AHCTF1: variants seen among roughly 807,000 people sequenced by gnomAD.
The protein encoded by AHCTF1 is protein ELYS.
Under a neutral mutation model 248.4 loss-of-function variants are expected in AHCTF1, and 24 were observed. The observed-to-expected ratio is 0.10, with a 90% CI of 0.07 to 0.14. The LOEUF (loss-of-function observed/expected upper bound fraction) is 0.14. AHCTF1 is among the 10% of genes least tolerant of loss of function. The pLI is 1.00. For synonymous variants in AHCTF1, 786 were observed against 929.8 expected (o/e 0.85, Z 2.81); for missense variants, 2,206 against 2,636.2 (o/e 0.84, Z 3.57).
intron 17 of AHCTF1, among the ~76,000 whole-genome samples, chr1:246,888,900 TAA>T (rs781211089): frequency 2.0e-5 from 3 of 152,116 alleles, no homozygotes; most frequent in Non-Finnish European, 2.9e-5. Flanking sequence ...ACCCTGTCTC[TAA>T]AAACAGAGAG....
chr1:246,904,962 A>C (rs1464704756), intron 6 of AHCTF1, among the ~76,000 whole-genome samples: 1 of 152,246 alleles, frequency 6.6e-6, no homozygotes, highest in African/African-American at 2.4e-5. Context: ...ACTGAGATTG[A>C]GAACAAGAGA....
At position 246,888,484 on chromosome 1, in the gene AHCTF1, A is replaced by G; in HGVS notation, c.2178T>C (p.Asp726=). 1 of 1,613,878 alleles carries G rather than the reference A, an allele frequency of 6.2e-7. No homozygotes were observed. Among genetic ancestry groups the G allele is most frequent in the Non-Finnish European group, 8.5e-7 (1 of 1,179,992 alleles). The part of the protein sequence containing the change: ...GKWNPDCLMI[D]GLVSQLGERI... Reference sequence around the variant, plus strand: ...GCTCTCCTAACTGAGAAACCAGTCCATCAATCATCAAGCAATCGGGATTCC... The same window carrying G: ...GCTCTCCTAACTGAGAAACCAGTCCGTCAATCATCAAGCAATCGGGATTCC... The change falls in exon 18 of 36, where the codon GAT becomes GAC. Residue 726 remains aspartate (D), a synonymous_variant. Coordinates refer to ENST00000648844, the MANE Select transcript of AHCTF1 (RefSeq NM_001323342.2).
At position 246,888,772 on chromosome 1, in the gene AHCTF1, T is replaced by G. The variant is rs967506339; in HGVS notation, c.2145-255A>C. Reference sequence around the variant, plus strand: ...AGAAAATATAAAAACTAGCTGGGCATGGTGGTGTGCACCTGTAGTCCTAGC... The same window carrying G: ...AGAAAATATAAAAACTAGCTGGGCAGGGTGGTGTGCACCTGTAGTCCTAGC... On this transcript the variant is annotated intron_variant, in intron 17 of 35. Transcript: ENST00000648844. Among the ~76,000 whole-genome samples the G allele has an allele frequency of 2.0e-5, 3 of 152,196 alleles. 1 individual carries two copies. The highest frequency in any genetic ancestry group is 7.2e-5 in the African/African-American group (3 of 41,512).
At chr1:246,871,160 C>A (rs192383171) in intron 24 of AHCTF1, among the ~76,000 whole-genome samples, 6 of 152,176 alleles carry the variant, frequency 3.9e-5, no homozygotes, top group African/African-American at 1.4e-4. Context: ...ACATGGTGGC[C>A]ACCAAAAGGC....
chr1:246,851,409 A>C lies in AHCTF1; in HGVS notation c.4597T>G (p.Ser1533Ala), dbSNP rs1455574330. 1.9e-6 allele frequency: 3 copies of C among 1,610,826 alleles called. No individual in the cohort carries two copies. The highest frequency in any genetic ancestry group is 1.6e-4 in the Middle Eastern group (1 of 6,062). The part of the protein sequence containing the change: ...IEQEKLEAQD[S>A]GEEARNLSFN... ...GAAAGATTCCTAGCCTCTTCTCCTG[A>C]ATCTTGAGCTTCAAGCTTTTCTTGT... The change falls in exon 33 of 36, where the codon TCA (serine) becomes GCA (alanine). Residue 1533 changes from serine (S) to alanine (A), a missense_variant. Ser to Ala is a moderately conservative substitution (Grantham distance 99). Around this residue, in one of 6 missense-constraint regions of AHCTF1, gnomAD observed 955 missense variants for 1,055.6 expected, o/e 0.90. Coordinates refer to ENST00000648844, the MANE Select transcript of AHCTF1 (RefSeq NM_001323342.2).
At chr1:246,843,009 G>T (rs768613394) in intron 34 of AHCTF1, among the ~76,000 whole-genome samples, 9 of 152,128 alleles carry the variant, frequency 5.9e-5, no homozygotes, top group Non-Finnish European at 1.3e-4. Context: ...TTTTATTTTT[G>T]AATGTTTCCA....
At chr1:246,857,561 G>A in intron 30 of AHCTF1, 130 bp downstream of exon 30, 1 of 995,956 alleles carries the variant, frequency 1.0e-6, no homozygotes, top group South Asian at 2.1e-5. Context: ...TTTTAAAACA[G>A]CCAACATTAC....
chr1:246,893,901 C>A (rs1170385840), intron 14 of AHCTF1, among the ~76,000 whole-genome samples: 3 of 152,188 alleles, frequency 2.0e-5, no homozygotes, highest in Non-Finnish European at 2.9e-5. Flanking sequence ...GCTGCAAAAT[C>A]TTGGTCAAAA....
intron 21 of AHCTF1, among the ~76,000 whole-genome samples, chr1:246,882,535 G>T (rs1304458146): frequency 1.3e-5 from 2 of 152,078 alleles, no homozygotes; most frequent in African/African-American, 4.8e-5. Context: ...GTGCTATGTG[G>T]GACATTCGAT....
chr1:246,877,028 G>C lies in AHCTF1; in HGVS notation c.2859C>G (p.Phe953Leu). Residue 953 changes from phenylalanine (F) to leucine (L), a missense_variant, in exon 23 of 36, where the codon TTC becomes TTG. By Grantham distance (22) the Phe-to-Leu change is conservative. Around this residue, in one of 6 missense-constraint regions of AHCTF1, gnomAD observed 955 missense variants for 1,055.6 expected, o/e 0.90. Coordinates refer to ENST00000648844, the MANE Select transcript of AHCTF1 (RefSeq NM_001323342.2). Reference protein sequence around the residue: ...QSSASVQNHEFLLVHHLQRAN... With the variant: ...QSSASVQNHELLLVHHLQRAN... ...CACGCTGCAAATGGTGCACTAAAAG[G>C]AATTCATGATTCTGAACGCTGGCAC... is the stretch of plus-strand genomic sequence containing the variant. The C allele has an allele frequency of 1.9e-6, 3 of 1,612,130 alleles. No homozygotes were observed. The highest frequency in any genetic ancestry group is 2.5e-6 in the Non-Finnish European group (3 of 1,179,966).
At chr1:246,919,250 T>C (rs1190555043) in intron 1 of AHCTF1, among the ~76,000 whole-genome samples, 1 of 152,078 alleles carries the variant, frequency 6.6e-6, no homozygotes, top group Non-Finnish European at 1.5e-5. Context: ...TCAACCCCAT[T>C]AAACTCCACT....
At chr1:246,844,209 A>G (rs1024184224) in intron 33 of AHCTF1, among the ~76,000 whole-genome samples, 1 of 152,220 alleles carries the variant, frequency 6.6e-6, no homozygotes, top group African/African-American at 2.4e-5. Context: ...AGAACTGTTT[A>G]GTCTATTTCT....
intron 26 of AHCTF1, among the ~76,000 whole-genome samples, chr1:246,865,843 TTC>T (rs1436179541): frequency 2.6e-5 from 4 of 152,188 alleles, no homozygotes; most frequent in Non-Finnish European, 4.4e-5. Flanking sequence ...AGACCAAATA[TTC>T]TTTCAGAACT....
rs755502009 is a variant in AHCTF1 at position 246,895,855 on chromosome 1, A to C, written c.1694T>G (p.Ile565Ser). The change falls in exon 13 of 36, where the codon ATC (isoleucine) becomes AGC (serine). Residue 565 changes from isoleucine to serine, a missense_variant. Ile to Ser is a moderately radical substitution (Grantham distance 142, BLOSUM62 -2). Transcript: ENST00000648844. ...CTTACCTTCTGTTATCCATCTTCGG[A>C]TATAACCAGTCAAAAGTCCCAGGGA... ...TSSLGLLTGY[I>S]RRWITEEQPN... 2.5e-6 allele frequency: 4 copies of C among 1,612,958 alleles called. No homozygotes were observed. Among genetic ancestry groups the C allele is most frequent in the East Asian group, 2.2e-5 (1 of 44,864 alleles).
At position 246,922,776 on chromosome 1, in the gene AHCTF1, A is replaced by C. The variant is rs1262023847; in HGVS notation, c.-7-4399T>G. Among the ~76,000 whole-genome samples the C allele has an allele frequency of 2.7e-5, 4 of 150,834 alleles. No individual in the cohort carries two copies. In the East Asian group the frequency reaches 8.0e-4, roughly 30 times the overall value. The stretch of plus-strand genomic sequence containing the variant: ...GGAGGGCGGATCACGAGGTCAGGAG[A>C]TCGAGACCATCCTGGATAACACGGT... On this transcript the variant is annotated intron_variant, in intron 1 of 35. Transcript: ENST00000648844.
In AHCTF1 at chr1:246,867,349, G is replaced by C. The variant is rs1412656175; in HGVS notation, c.3242C>G (p.Ser1081Cys). 6.4e-7 allele frequency: 1 copy of C among 1,568,332 alleles called. No individual in the cohort carries two copies. Among genetic ancestry groups the C allele is most frequent in the East Asian group, 2.3e-5 (1 of 44,048 alleles). ...PINSTTPFNSSKIEEPSPIVY... is the reference protein window; with the variant it reads ...PINSTTPFNSCKIEEPSPIVY... ...TATAGGAGATGGTTCTTCTATTTTA[G>C]AACTATGAAAATAAAAATTTAACTT... The change falls in exon 26 of 36, where the codon TCT (serine) becomes TGT (cysteine). Residue 1081 changes from serine (S) to cysteine (C), a missense_variant and splice_region_variant. Transcript: ENST00000648844.
Position 246,890,076 on chromosome 1 carries a change from T to TG in AHCTF1, c.2051-18dup. On this transcript the variant is annotated splice_polypyrimidine_tract_variant and intron_variant, in intron 16 of 35. Coordinates refer to ENST00000648844, the MANE Select transcript of AHCTF1 (RefSeq NM_001323342.2). The stretch of plus-strand genomic sequence containing the variant: ...CAGAATCATCTAGATTTTTAAGAGT[T>TG]GGAAAAAAAGCTGGTAATAATCCCC... The TG allele has an allele frequency of 6.3e-7, 1 of 1,577,116 alleles. No homozygotes were observed. The highest frequency in any genetic ancestry group is 8.7e-7 in the Non-Finnish European group (1 of 1,153,402).
chr1:246,879,700 T>C (rs959808231), intron 21 of AHCTF1, among the ~76,000 whole-genome samples: 2 of 151,930 alleles, frequency 1.3e-5, no homozygotes, highest in Non-Finnish European at 2.9e-5. Flanking sequence ...TGGTGGTGCA[T>C]GCCTGTAATC....
chr1:246,872,325 G>A lies in AHCTF1; in HGVS notation c.3088+3712C>T, dbSNP rs150543674. ...TGGCACGCCAGGAAAAGACTGACAA[G>A]AAGACTTTACAGTGATGCCCCAGGA... On this transcript the variant is annotated intron_variant, in intron 24 of 35. Coordinates refer to ENST00000648844, the MANE Select transcript of AHCTF1 (RefSeq NM_001323342.2). Among the ~76,000 whole-genome samples the A allele has an allele frequency of 2.6e-5, 4 of 152,194 alleles. No homozygotes were observed. In the East Asian group the frequency reaches 7.7e-4, roughly 29 times the overall value.
Sources: allele counts gnomAD v4.1 joint callset (sites outside exome capture counted in the v4.1 genomes callset), GRCh38; gene constraint gnomAD v4.1.1; regional missense constraint gnomAD v4.1.1; transcripts MANE v1.5; gene names NCBI Gene and HGNC (gene_info 2026-07-23, HGNC 2026-07-21).